The following SWT1 variants were observed in gnomAD, a reference collection of about 807,000 sequenced individuals.
SWT1 encodes SWT1 RNA endoribonuclease homolog.
Under a neutral mutation model 107.3 loss-of-function variants are expected in SWT1, and 33 were observed. The observed-to-expected ratio is 0.31, with a 90% CI of 0.23 to 0.41. The LOEUF (loss-of-function observed/expected upper bound fraction) is 0.41. Ranked by LOEUF, SWT1 falls within the 10% of genes least tolerant of loss-of-function variation. The probability of loss-of-function intolerance (pLI) is 1.00; values close to 1 mark genes in which losing one functional copy is unlikely to be tolerated. For synonymous variants in SWT1, 345 were observed against 348.3 expected (o/e 0.99, Z 0.11); for missense variants, 898 against 1,028.9 (o/e 0.87, Z 1.74).
At chr1:185,164,877 T>C (rs1181044474) in intron 2 of SWT1, among the ~76,000 whole-genome samples, 1 of 152,254 alleles carries the variant, frequency 6.6e-6, no homozygotes, top group Non-Finnish European at 1.5e-5. Context: ...TTTCCTTCAA[T>C]AACTTTTCCT....
chr1:185,170,003 A>G (rs763145411), intron 4 of SWT1, among the ~76,000 whole-genome samples: 1 of 152,150 alleles, frequency 6.6e-6, no homozygotes, highest in Admixed American at 6.5e-5. Context: ...CTTCAAAGAA[A>G]TTTGCACAGA....
intron 16 of SWT1, among the ~76,000 whole-genome samples, chr1:185,236,430 T>C (rs983935065): frequency 9.2e-5 from 14 of 152,012 alleles, no homozygotes; most frequent in Admixed American, 2.0e-4. Flanking sequence ...CTACAACCAT[T>C]TGATCTTTGA....
At chr1:185,247,654 GTGATGTA>G (rs2102631757) in intron 16 of SWT1, among the ~76,000 whole-genome samples, 1 of 152,260 alleles carries the variant, frequency 6.6e-6, no homozygotes, top group Admixed American at 6.5e-5. Context: ...GATTCTCAGG[GTGATGTA>G]GGGGAAAGCA....
intron 13 of SWT1, among the ~76,000 whole-genome samples, chr1:185,208,917 A>G (rs1311109832): frequency 3.3e-5 from 5 of 152,080 alleles, no homozygotes; most frequent in African/African-American, 1.2e-4. Context: ...AACAGAGTTT[A>G]TTGGTGCCTG....
chr1:185,274,306 AT>A (rs942669486), intron 17 of SWT1, among the ~76,000 whole-genome samples: 37 of 148,052 alleles, frequency 2.5e-4, no homozygotes, highest in Non-Finnish European at 4.5e-4. Context: ...AGATATATAT[AT>A]TTTATATATA....
At chr1:185,165,972 T>C (rs1179253634) in intron 2 of SWT1, among the ~76,000 whole-genome samples, 1 of 152,240 alleles carries the variant, frequency 6.6e-6, no homozygotes, top group African/African-American at 2.4e-5. Flanking sequence ...CCCCTCTGAC[T>C]CCCAGCCTTT....
intron 18 of SWT1, among the ~76,000 whole-genome samples, chr1:185,284,273 A>G (rs1290292736): frequency 1.3e-5 from 2 of 152,232 alleles, no homozygotes; most frequent in East Asian, 1.9e-4. Flanking sequence ...AGAAATGTCT[A>G]TTCAAGCCCT....
intron 6 of SWT1, among the ~76,000 whole-genome samples, chr1:185,180,797 A>T: frequency 6.6e-6 from 1 of 152,228 alleles, no homozygotes; most frequent in Non-Finnish European, 1.5e-5. Context: ...ACTTCATTTT[A>T]AAAATCATCA....
At chr1:185,284,825 GTTTCA>G (rs1664853287) in intron 18 of SWT1, among the ~76,000 whole-genome samples, 1 of 151,784 alleles carries the variant, frequency 6.6e-6, no homozygotes, top group African/African-American at 2.4e-5. Context: ...TGTGACTGCT[GTTTCA>G]TTCCAGTGCC....
chr1:185,226,909 T>C (rs190514526), intron 15 of SWT1: 524 of 1,247,164 alleles, frequency 4.2e-4, no homozygotes, highest in Non-Finnish European at 4.7e-4. Context: ...TTCCACCTCT[T>C]CTTTTTAACT....
intron 13 of SWT1, among the ~76,000 whole-genome samples, chr1:185,207,697 T>A (rs190710624): frequency 2.1e-4 from 32 of 151,306 alleles, no homozygotes; most frequent in Non-Finnish European, 4.6e-4. Flanking sequence ...ACCCCAGGAG[T>A]TCAAGGCCAG....
intron 17 of SWT1, among the ~76,000 whole-genome samples, chr1:185,272,948 A>T (rs1210778760): frequency 6.6e-6 from 1 of 151,476 alleles, no homozygotes; most frequent in Non-Finnish European, 1.5e-5. Flanking sequence ...AGGAGAGATT[A>T]TTTGAGTCCG....
chr1:185,211,651 T>C (rs925729788), intron 13 of SWT1, among the ~76,000 whole-genome samples: 1 of 152,220 alleles, frequency 6.6e-6, no homozygotes, highest in African/African-American at 2.4e-5. Flanking sequence ...AGTGTGACGA[T>C]TCCTCAGGGT....
At position 185,231,626 on chromosome 1, in the gene SWT1, A is replaced by T. The variant is rs1660514547; in HGVS notation, c.2359A>T (p.Asn787Tyr). Residue 787 changes from asparagine (N) to tyrosine (Y), a missense_variant, in exon 16 of 19, where the codon AAT (asparagine) becomes TAT (tyrosine). Transcript: ENST00000367500. ...LGSNSALTTS[N>Y]IASFEEAFIC... ...CTCAAATTCAGCTCTGACTACTTCA[A>T]ATATAGCATCATTTGAAGAAGCATT... 1 of 1,610,040 alleles carries T rather than the reference A, an allele frequency of 6.2e-7. No homozygotes were observed. Among genetic ancestry groups the T allele is most frequent in the Non-Finnish European group, 8.5e-7 (1 of 1,176,834 alleles).
intron 16 of SWT1, among the ~76,000 whole-genome samples, chr1:185,256,219 T>G (rs968167037): frequency 6.6e-6 from 1 of 151,902 alleles, no homozygotes; most frequent in African/African-American, 2.4e-5. Flanking sequence ...TAACATTTTT[T>G]CCTTCATTTC....
At chr1:185,277,276 ATT>A (rs1416122244) in intron 18 of SWT1, among the ~76,000 whole-genome samples, 1 of 151,712 alleles carries the variant, frequency 6.6e-6, no homozygotes, top group Non-Finnish European at 1.5e-5. Context: ...TTGTTTATTT[ATT>A]TGTTTTTTTT....
At chr1:185,197,744 AAAGGTGTTTATAGT>A (rs1657518051) in intron 10 of SWT1, among the ~76,000 whole-genome samples, 1 of 152,120 alleles carries the variant, frequency 6.6e-6, no homozygotes, top group South Asian at 2.1e-4. Context: ...TTATTTGCAT[AAAGGTGTTTATAGT>A]ATTCTCTGAT....
intron 10 of SWT1, 55 bp from the exon 11 acceptor site, chr1:185,202,599 T>C: frequency 6.7e-7 from 1 of 1,484,518 alleles, no homozygotes; most frequent in African/African-American, 1.4e-5. Context: ...ATTTGCCATG[T>C]GGTTTACCTT....
intron 7 of SWT1, among the ~76,000 whole-genome samples, chr1:185,183,525 G>C (rs1033855111): frequency 6.6e-6 from 1 of 152,002 alleles, no homozygotes; most frequent in African/African-American, 2.4e-5. Context: ...TCAGGTGATT[G>C]GCCCGCCTCG....
Sources: gnomAD v4.1 joint callset for allele counts (sites outside exome capture counted in the v4.1 genomes callset) on GRCh38, gnomAD v4.1.1 for gene constraint, MANE v1.5 for transcripts, NCBI Gene and HGNC (gene_info 2026-07-23, HGNC 2026-07-21) for gene names.